The following TMEM132D variants were observed in gnomAD, a reference collection of about 807,000 sequenced individuals.
TMEM132D encodes the protein transmembrane protein 132D, also known as mature OL transmembrane protein.
A neutral mutation model predicts 62.3 loss-of-function variants in TMEM132D; 21 were observed. The observed-to-expected ratio is 0.34, with a 90% CI of 0.24 to 0.49. TMEM132D has a LOEUF of 0.49. Ranked by LOEUF, TMEM132D falls within the 20% of genes least tolerant of loss-of-function variation. TMEM132D has a pLI of 0.99. For missense variants in TMEM132D, 1,346 were observed against 1,402.8 expected (o/e 0.96, Z 0.65); for synonymous variants, 621 against 575.6 (o/e 1.08, Z -1.13).
intron 2 of TMEM132D, among the ~76,000 whole-genome samples, chr12:129,637,372 G>A (rs166456): frequency 1 from 151,922 of 152,270 alleles, 75,789 homozygotes; most frequent in Non-Finnish European, 1. Flanking sequence ...TCCCTAATCA[G>A]CTCTCATGTT....
chr12:129,712,444 T>C (rs1868406505), intron 1 of TMEM132D, among the ~76,000 whole-genome samples: 1 of 152,176 alleles, frequency 6.6e-6, no homozygotes, highest in Non-Finnish European at 1.5e-5. Context: ...TTCTTAACAA[T>C]AGAACTCAAG....
rs1472631000 is a variant in TMEM132D, at chr12:129,310,964, C to T, written c.1299+26670G>A. Among the ~76,000 whole-genome samples the T allele has an allele frequency of 1.8e-4, 25 of 141,308 alleles. 5 individuals carry two copies. Among genetic ancestry groups the T allele is most frequent in the African/African-American group, 6.7e-4 (24 of 36,040 alleles). 92.7% of individuals were successfully genotyped at this position (141,308 alleles called of 152,430 possible). On this transcript the variant is annotated intron_variant, in intron 4 of 8. Transcript: ENST00000422113. ...TCTCATTGAACAAAAAGGAACAGGCCGAGGCAGGCGGATCACGAGGTCAGG... is the reference window on the plus strand; with the variant it reads ...TCTCATTGAACAAAAAGGAACAGGCTGAGGCAGGCGGATCACGAGGTCAGG...
intron 2 of TMEM132D, among the ~76,000 whole-genome samples, chr12:129,624,039 CA>C (rs1879148932): frequency 6.6e-6 from 1 of 152,128 alleles, no homozygotes; most frequent in Non-Finnish European, 1.5e-5. Context: ...ATTCCTAAAT[CA>C]AATATTTGGT....
chr12:129,826,636 A>G (rs1222517237), intron 1 of TMEM132D, among the ~76,000 whole-genome samples: 11 of 152,190 alleles, frequency 7.2e-5, no homozygotes, highest in Admixed American at 4.6e-4. Flanking sequence ...AAATCATCCC[A>G]ATGCCCCACA....
chr12:129,548,567 G>T (rs1475257484), intron 2 of TMEM132D, among the ~76,000 whole-genome samples: 1 of 152,140 alleles, frequency 6.6e-6, no homozygotes, highest in Non-Finnish European at 1.5e-5. Flanking sequence ...CCTAGGTAAT[G>T]GCCTGTTCTT....
intron 4 of TMEM132D, among the ~76,000 whole-genome samples, chr12:129,296,891 T>G (rs1268314385): frequency 6.6e-6 from 1 of 152,226 alleles, no homozygotes; most frequent in Non-Finnish European, 1.5e-5. Flanking sequence ...CATTGCTCAC[T>G]GTTGCCAGAC....
At chr12:129,593,898 T>A (rs1436608315) in intron 2 of TMEM132D, among the ~76,000 whole-genome samples, 1 of 152,140 alleles carries the variant, frequency 6.6e-6, no homozygotes, top group African/African-American at 2.4e-5. Context: ...TATATTTCAG[T>A]TACAATTCAC....
intron 1 of TMEM132D, among the ~76,000 whole-genome samples, chr12:129,742,744 T>C (rs1210479489): frequency 6.6e-6 from 1 of 152,168 alleles, no homozygotes; most frequent in East Asian, 1.9e-4. Context: ...TAAAACAAAT[T>C]GCTGTCTGCA....
intron 3 of TMEM132D, among the ~76,000 whole-genome samples, chr12:129,355,178 A>G (rs1869999786): frequency 1.3e-5 from 2 of 152,224 alleles, no homozygotes; most frequent in Non-Finnish European, 2.9e-5. Context: ...GAGATCAAAA[A>G]TAGACATTGT....
At chr12:129,205,118 A>T (rs1298380892) in intron 5 of TMEM132D, among the ~76,000 whole-genome samples, 4 of 152,180 alleles carry the variant, frequency 2.6e-5, no homozygotes, top group African/African-American at 9.7e-5. Context: ...AACACAAACA[A>T]ATCTATGGCT....
At chr12:129,357,518 GAAGGAAGGA>G (rs1555250323) in intron 3 of TMEM132D, among the ~76,000 whole-genome samples, 1 of 149,358 alleles carries the variant, frequency 6.7e-6, no homozygotes, top group Non-Finnish European at 1.5e-5. Context: ...GAGAAAGAAA[GAAGGAAGGA>G]AAGAAAGGAA....
At chr12:129,465,118 C>G (rs1873840745) in intron 3 of TMEM132D, among the ~76,000 whole-genome samples, 1 of 152,094 alleles carries the variant, frequency 6.6e-6, no homozygotes, top group African/African-American at 2.4e-5. Context: ...GAATGTTCTT[C>G]CATTTGTTTG....
chr12:129,409,946 G>A (rs1253744028), intron 3 of TMEM132D, among the ~76,000 whole-genome samples: 1 of 152,190 alleles, frequency 6.6e-6, no homozygotes. Flanking sequence ...CTGAATCTTA[G>A]TATGTGTATG....
At chr12:129,731,497 A>G (rs1869234797) in intron 1 of TMEM132D, among the ~76,000 whole-genome samples, 1 of 152,128 alleles carries the variant, frequency 6.6e-6, no homozygotes, top group Admixed American at 6.5e-5. Context: ...TAAGGGAGGA[A>G]GTAACCAAGG....
chr12:129,399,360 C>T (rs78275862), intron 3 of TMEM132D, among the ~76,000 whole-genome samples: 20 of 17,952 alleles, frequency 1.1e-3, no homozygotes, highest in African/African-American at 2.0e-3. Flanking sequence ...CCAACCCACT[C>T]CTGCAATAGC....
intron 4 of TMEM132D, among the ~76,000 whole-genome samples, chr12:129,268,054 C>A (rs1027660370): frequency 3.7e-4 from 57 of 152,192 alleles, no homozygotes; most frequent in Non-Finnish European, 2.6e-4. Flanking sequence ...TAAAGACTTA[C>A]ATGTTAGACC....
chr12:129,170,309 G>C (rs1337823108), intron 5 of TMEM132D: 1 of 152,218 alleles, frequency 6.6e-6, no homozygotes, highest in Non-Finnish European at 1.5e-5. Context: ...GCAGTGCAGA[G>C]AGCAAGCAAA....
intron 1 of TMEM132D, among the ~76,000 whole-genome samples, chr12:129,753,634 C>T (rs139759837): frequency 1.2e-4 from 18 of 152,276 alleles, no homozygotes; most frequent in African/African-American, 4.3e-4. Context: ...CACACTCATA[C>T]ACAATCACAC....
chr12:129,131,015 G>C (rs1406114802), intron 5 of TMEM132D, among the ~76,000 whole-genome samples: 2 of 152,088 alleles, frequency 1.3e-5, no homozygotes, highest in Admixed American at 1.3e-4. Context: ...AGTTACCAAG[G>C]TGTTTTTCTG....
Sources: gnomAD v4.1 joint callset for allele counts (sites outside exome capture counted in the v4.1 genomes callset) on GRCh38, gnomAD v4.1.1 for gene constraint, MANE v1.5 for transcripts, NCBI Gene and HGNC (gene_info 2026-07-23, HGNC 2026-07-21) for gene names.